RBFOX1: variants seen among roughly 807,000 people sequenced by gnomAD.
RBFOX1 encodes RNA binding protein fox-1 homolog 1.
Under a neutral mutation model 57.7 loss-of-function variants are expected in RBFOX1, and 8 were observed. The ratio of observed to expected loss-of-function variants is 0.14; its 90% CI spans 0.08 to 0.25. The LOEUF is 0.25. RBFOX1 is among the 10% of genes least tolerant of loss of function. The pLI is 1.00. For missense variants in RBFOX1, 611 were observed against 548.5 expected (o/e 1.11, Z -1.14); for synonymous variants, 326 against 222.4 (o/e 1.47, Z -4.15).
At chr16:6,006,090 A>G (rs1596387882) in intron 4 of RBFOX1, among the ~76,000 whole-genome samples, 2 of 152,226 alleles carry the variant, frequency 1.3e-5, no homozygotes, top group Non-Finnish European at 2.9e-5. Context: ...TATTCATTAG[A>G]TAAGTGGTGT....
chr16:5,993,770 A>G (rs2060446491), intron 4 of RBFOX1, among the ~76,000 whole-genome samples: 1 of 152,216 alleles, frequency 6.6e-6, no homozygotes, highest in Admixed American at 6.5e-5. Flanking sequence ...GCAGTGCCGT[A>G]AAATTGATGG....
chr16:5,985,249 C>A (rs1056539649), intron 4 of RBFOX1, among the ~76,000 whole-genome samples: 4 of 151,790 alleles, frequency 2.6e-5, no homozygotes, highest in Admixed American at 6.6e-5. Context: ...CCCTCGGCCT[C>A]CCAAAGTGGT....
intron 1 of RBFOX1, among the ~76,000 whole-genome samples, chr16:6,163,794 G>A (rs2096896357): frequency 1.3e-5 from 2 of 152,246 alleles, no homozygotes; most frequent in South Asian, 2.1e-4. Context: ...GTACCTATAG[G>A]AATATTTTTT....
intron 3 of RBFOX1, among the ~76,000 whole-genome samples, chr16:6,709,760 C>G (rs2063398233): frequency 2.6e-5 from 4 of 152,030 alleles, no homozygotes; most frequent in Admixed American, 2.6e-4. Context: ...TTGATTCCCT[C>G]TAAACTCGCT....
At chr16:6,231,005 A>G (rs1014316134) in intron 1 of RBFOX1, among the ~76,000 whole-genome samples, 1 of 152,212 alleles carries the variant, frequency 6.6e-6, no homozygotes, top group Non-Finnish European at 1.5e-5. Flanking sequence ...GTAAACTGTT[A>G]CATCAGTGAC....
chr16:7,149,502 TCC>T (rs1297545174), intron 4 of RBFOX1, among the ~76,000 whole-genome samples: 1 of 56,918 alleles, frequency 1.8e-5, no homozygotes, highest in African/African-American at 5.5e-5. Flanking sequence ...TTTTTTTTTT[TCC>T]CCGACAGGGT....
At chr16:7,275,059 G>A (rs983123142) in intron 4 of RBFOX1, among the ~76,000 whole-genome samples, 19 of 152,160 alleles carry the variant, frequency 1.2e-4, no homozygotes, top group African/African-American at 4.3e-4. Context: ...GGAGAGGATA[G>A]GAAGGCAGTG....
intron 2 of RBFOX1, among the ~76,000 whole-genome samples, chr16:6,472,276 G>A (rs138640697): frequency 6.6e-6 from 1 of 152,302 alleles, no homozygotes; most frequent in East Asian, 1.9e-4. Flanking sequence ...AAGAAACCCT[G>A]CAGCGTTAGG....
chr16:5,680,625 T>TTCA (rs1286064369), intron 3 of RBFOX1, among the ~76,000 whole-genome samples: 6 of 152,162 alleles, frequency 3.9e-5, no homozygotes, highest in African/African-American at 1.4e-4. Flanking sequence ...GCTGTTAAAG[T>TTCA]CAGCGGAGTG....
chr16:6,141,725 T>C (rs1041511668), intron 1 of RBFOX1, among the ~76,000 whole-genome samples: 3 of 152,164 alleles, frequency 2.0e-5, no homozygotes, highest in East Asian at 1.9e-4. Context: ...ATTAATTTCA[T>C]TTTTCTCCAT....
intron 2 of RBFOX1, among the ~76,000 whole-genome samples, chr16:6,380,448 G>T (rs1340293662): frequency 2.4e-4 from 16 of 67,142 alleles, no homozygotes; most frequent in East Asian, 5.4e-4. Context: ...TTTTTTTTTA[G>T]TAGAACTCAG....
intron 2 of RBFOX1, among the ~76,000 whole-genome samples, chr16:6,395,837 A>C (rs1226865369): frequency 2.0e-5 from 3 of 152,068 alleles, no homozygotes; most frequent in South Asian, 2.1e-4. Context: ...AGGCTGAGGC[A>C]GGTGGATTGC....
At chr16:7,058,250 G>A (rs547286653) in intron 4 of RBFOX1, among the ~76,000 whole-genome samples, 2 of 152,146 alleles carry the variant, frequency 1.3e-5, no homozygotes, top group Admixed American at 6.5e-5. Context: ...TCTCTCTGTG[G>A]TTTTTATGCC....
At chr16:5,749,549 G>A (rs1353457984) in intron 3 of RBFOX1, among the ~76,000 whole-genome samples, 1 of 152,122 alleles carries the variant, frequency 6.6e-6, no homozygotes, top group Non-Finnish European at 1.5e-5. Flanking sequence ...ATATTTCTTG[G>A]AGGCTTTGTT....
At chr16:5,951,083 T>C (rs987638735) in intron 4 of RBFOX1, among the ~76,000 whole-genome samples, 3 of 152,090 alleles carry the variant, frequency 2.0e-5, no homozygotes, top group Non-Finnish European at 2.9e-5. Context: ...AGGTGGCGAT[T>C]TGGGGGCCTC....
intron 4 of RBFOX1, among the ~76,000 whole-genome samples, chr16:7,488,397 C>G (rs2065979132): frequency 6.6e-6 from 1 of 151,568 alleles, no homozygotes. Context: ...ATATGGACCT[C>G]TATATCTATC....
intron 3 of RBFOX1, among the ~76,000 whole-genome samples, chr16:5,763,589 T>C (rs767559068): frequency 6.6e-6 from 1 of 152,264 alleles, no homozygotes; most frequent in Non-Finnish European, 1.5e-5. Flanking sequence ...ATTTTATTTT[T>C]AAAAATTGCT....
At chr16:6,820,224 AC>A (rs2091028574) in intron 3 of RBFOX1, among the ~76,000 whole-genome samples, 1 of 152,166 alleles carries the variant, frequency 6.6e-6, no homozygotes, top group South Asian at 2.1e-4. Flanking sequence ...GCCATGTGCA[AC>A]TGTGAGTCGA....
rs2047274875 is a variant in RBFOX1 at position 5,598,902 on chromosome 16, GA to G, written c.260del (p.Asp87AlafsTer21). Reference sequence around the variant, plus strand: ...TCTCTATTTGTTTGTTTTTTGCCAGGACTACAAGTCTGAAAATTCAACCCTC... The same window carrying G: ...TCTCTATTTGTTTGTTTTTTGCCAGGCTACAAGTCTGAAAATTCAACCCTC... On this transcript the variant is annotated frameshift_variant and splice_region_variant, in exon 3 of 3. Transcript: ENST00000585867. LOFTEE classifies it low-confidence loss of function (END_TRUNC). The G allele has an allele frequency of 6.6e-7, 1 of 1,514,726 alleles. No homozygotes were observed. Among genetic ancestry groups the G allele is most frequent in the African/African-American group, 1.4e-5 (1 of 71,696 alleles). 93.8% of individuals were successfully genotyped at this position (1,514,726 alleles called of 1,614,324 possible). A position where few individuals can be genotyped will look rare whatever the true frequency, so the allele number is the denominator to read the frequency against.
Sources: allele counts gnomAD v4.1 joint callset (sites outside exome capture counted in the v4.1 genomes callset), GRCh38; gene constraint gnomAD v4.1.1; transcripts MANE v1.5; gene names NCBI Gene and HGNC (gene_info 2026-07-23, HGNC 2026-07-21).